The following RAD51B variants were observed in gnomAD, a reference collection of about 807,000 sequenced individuals.
RAD51B encodes the protein RAD51 paralog B.
In RAD51B, 38 loss-of-function variants were observed where a neutral mutation model predicts 42.2. The observed-to-expected ratio is 0.90, with a 90% CI of 0.70 to 1.18. The LOEUF (loss-of-function observed/expected upper bound fraction) is 1.18, where lower values mean the gene tolerates loss of function less well. RAD51B is among the 50% of genes most tolerant of loss of function. The probability of loss-of-function intolerance (pLI) is 0.00; values close to 1 mark genes in which losing one functional copy is unlikely to be tolerated. For synonymous variants in RAD51B, 154 were observed against 145.2 expected, an observed-to-expected ratio of 1.06 and a Z score of -0.43; for missense variants, 373 against 400.7, an observed-to-expected ratio of 0.93 and a Z score of 0.59.
intron 7 of RAD51B, among the ~76,000 whole-genome samples, chr14:67,995,562 T>TC (rs1359971124): frequency 3.3e-5 from 5 of 151,994 alleles, no homozygotes; most frequent in African/African-American, 1.2e-4. Flanking sequence ...TACTGCTTTT[T>TC]TCCCCCCTCT....
chr14:68,297,074 C>A (rs149943230), intron 8 of RAD51B, among the ~76,000 whole-genome samples: 12 of 152,264 alleles, frequency 7.9e-5, no homozygotes, highest in African/African-American at 2.9e-4. Flanking sequence ...CCAAACCATC[C>A]CTGCGAAAAG....
intron 9 of RAD51B, among the ~76,000 whole-genome samples, chr14:68,447,596 T>G (rs1045284333): frequency 6.6e-6 from 1 of 151,760 alleles, no homozygotes; most frequent in Non-Finnish European, 1.5e-5. Context: ...TAAAAAGCAT[T>G]AAACTTACAA....
chr14:68,553,998 T>C (rs1195052316), intron 10 of RAD51B, among the ~76,000 whole-genome samples: 2 of 152,154 alleles, frequency 1.3e-5, no homozygotes, highest in East Asian at 1.9e-4. Context: ...ATGAAAACTT[T>C]CTACAGCAGA....
chr14:68,677,259 A>G (rs1400352322), intron 11 of RAD51B, among the ~76,000 whole-genome samples: 3 of 152,186 alleles, frequency 2.0e-5, no homozygotes, highest in Non-Finnish European at 4.4e-5. Context: ...AGAGGACCCC[A>G]TCAGTATCCA....
intron 10 of RAD51B, among the ~76,000 whole-genome samples, chr14:68,554,742 C>G (rs542255051): frequency 6.6e-6 from 1 of 151,982 alleles, no homozygotes; most frequent in South Asian, 2.1e-4. Flanking sequence ...GAATTTTTGT[C>G]TGTTTTGTTC....
intron 7 of RAD51B, among the ~76,000 whole-genome samples, chr14:68,189,384 G>A (rs2079219038): frequency 6.6e-6 from 1 of 151,906 alleles, no homozygotes; most frequent in South Asian, 2.1e-4. Context: ...GTATTTTTTT[G>A]TAGATGTTTC....
At chr14:68,506,701 G>A (rs79549278) in intron 10 of RAD51B, among the ~76,000 whole-genome samples, 4,856 of 152,270 alleles carry the variant, frequency 0.032, 266 homozygotes, top group African/African-American at 0.11. Context: ...ATTGAAAGGC[G>A]GGTGGGGGGG....
intron 10 of RAD51B, among the ~76,000 whole-genome samples, chr14:68,517,007 T>A (rs758996839): frequency 2.2e-4 from 33 of 152,224 alleles, no homozygotes; most frequent in Admixed American, 3.9e-4. Context: ...GTTTGTTCAT[T>A]TTTGAGAAAA....
chr14:68,482,378 T>C (rs1038536026), downstream of RAD51B, among the ~76,000 whole-genome samples: 1 of 152,096 alleles, frequency 6.6e-6, no homozygotes, highest in Non-Finnish European at 1.5e-5. Context: ...GTCTTTTAGG[T>C]TGTGTGTTGT....
intron 7 of RAD51B, among the ~76,000 whole-genome samples, chr14:68,243,683 A>C (rs17105244): frequency 0.029 from 4,477 of 152,236 alleles, 224 homozygotes; most frequent in African/African-American, 0.1. Context: ...AATTCACACT[A>C]CTTGATGACT....
At chr14:68,653,103 G>A (rs537499287) in intron 11 of RAD51B, among the ~76,000 whole-genome samples, 5 of 152,284 alleles carry the variant, frequency 3.3e-5, no homozygotes, top group African/African-American at 1.2e-4. Context: ...ACTTTCTTAA[G>A]TTCTAACTTG....
At chr14:68,495,601 G>T (rs780959796) in intron 10 of RAD51B, among the ~76,000 whole-genome samples, 1 of 151,418 alleles carries the variant, frequency 6.6e-6, no homozygotes, top group African/African-American at 2.4e-5. Flanking sequence ...TGCCAAGCGC[G>T]TAGAAGTGGT....
chr14:68,362,722 G>A (rs1267444825), intron 8 of RAD51B, among the ~76,000 whole-genome samples: 1 of 152,048 alleles, frequency 6.6e-6, no homozygotes. Flanking sequence ...GGTGGTGGGC[G>A]CCTGTAGTCC....
chr14:68,419,106 A>G (rs953453334), intron 9 of RAD51B, among the ~76,000 whole-genome samples: 10 of 152,302 alleles, frequency 6.6e-5, no homozygotes, highest in Middle Eastern at 3.4e-3. Flanking sequence ...GTTTTTAGCA[A>G]GCACTTTGGG....
At chr14:68,275,751 T>G (rs1490453661) in intron 7 of RAD51B, among the ~76,000 whole-genome samples, 2 of 151,756 alleles carry the variant, frequency 1.3e-5, no homozygotes, top group African/African-American at 4.8e-5. Context: ...TTTGATGTGT[T>G]GTAGCAGAAT....
chr14:67,957,772 A>G (rs1469718526), intron 7 of RAD51B, among the ~76,000 whole-genome samples: 1 of 152,240 alleles, frequency 6.6e-6, no homozygotes. Flanking sequence ...GGTTCATTTC[A>G]GCAGAAATCA....
intron 7 of RAD51B, among the ~76,000 whole-genome samples, chr14:67,937,138 G>A (rs1397420065): frequency 1.3e-5 from 2 of 152,184 alleles, no homozygotes; most frequent in Non-Finnish European, 2.9e-5. Context: ...GCAGTAGGGT[G>A]CCATGAAGGG....
intron 11 of RAD51B, among the ~76,000 whole-genome samples, chr14:68,661,377 C>A (rs930621324): frequency 2.6e-5 from 4 of 152,160 alleles, no homozygotes; most frequent in African/African-American, 9.7e-5. Flanking sequence ...GCGCTGGAAT[C>A]CCTGGTGCCT....
At chr14:67,829,393 C>A (rs1308539394) in intron 3 of RAD51B, among the ~76,000 whole-genome samples, 1 of 152,106 alleles carries the variant, frequency 6.6e-6, no homozygotes, top group Admixed American at 6.5e-5. Context: ...CAGATGCCCA[C>A]CTCCACGCCT....
Sources: gnomAD v4.1 joint callset for allele counts (sites outside exome capture counted in the v4.1 genomes callset) on GRCh38, gnomAD v4.1.1 for gene constraint, MANE v1.5 for transcripts, NCBI Gene and HGNC (gene_info 2026-07-23, HGNC 2026-07-21) for gene names.